Variants in ARHGEF18 observed in about 807,000 individuals in gnomAD.
ARHGEF18 encodes the protein rho guanine nucleotide exchange factor 18.
In ARHGEF18, 93 loss-of-function variants were observed where a neutral mutation model predicts 155.7. The ratio of observed to expected loss-of-function variants is 0.60; its 90% CI spans 0.50 to 0.71. ARHGEF18 has a LOEUF of 0.71. Ranked by LOEUF, ARHGEF18 falls within the 30% of genes least tolerant of loss-of-function variation. The probability of loss-of-function intolerance (pLI) is 0.00; values close to 1 mark genes in which losing one functional copy is unlikely to be tolerated. For synonymous variants in ARHGEF18, 742 were observed against 753.1 expected, an observed-to-expected ratio of 0.99 and a Z score of 0.24; for missense variants, 1,593 against 1,816.1, an observed-to-expected ratio of 0.88 and a Z score of 2.23.
At chr19:7,436,197 CTTTTTTTTT>C (rs567879436) in intron 10 of ARHGEF18, among the ~76,000 whole-genome samples, 3 of 78,578 alleles carry the variant, frequency 3.8e-5, no homozygotes, top group Non-Finnish European at 7.6e-5. Flanking sequence ...AGCATTTCTT[CTTTTTTTTT>C]TTTTTTTTTT....
At chr19:7,458,753 G>C in intron 19 of ARHGEF18, 63 bp downstream of exon 19, 2 of 1,521,946 alleles carry the variant, frequency 1.3e-6, no homozygotes, top group Non-Finnish European at 1.8e-6. Context: ...TCCACCCTTG[G>C]CTTCGACCGT....
intron 10 of ARHGEF18, among the ~76,000 whole-genome samples, chr19:7,414,943 C>T (rs1165812428): frequency 2.6e-5 from 4 of 151,798 alleles, no homozygotes; most frequent in African/African-American, 7.3e-5. Context: ...TGCAGTGACC[C>T]GAGATCGTGC....
rs115136529 is a variant in ARHGEF18 at position 7,444,153 on chromosome 19, G to A, written c.1361-51G>A. 6.3e-7 allele frequency: 1 copy of A among 1,594,978 alleles called. No homozygotes were observed. The highest frequency in any genetic ancestry group is 8.6e-7 in the Non-Finnish European group (1 of 1,167,968). On this transcript the variant is annotated intron_variant, in intron 13 of 28. Coordinates refer to ENST00000668164, the MANE Select transcript of ARHGEF18 (RefSeq NM_001367823.1). The surrounding 1 kb of genome is among the most constrained non-coding windows in gnomAD (Gnocchi z 4.7). ...GGCAGGCAGCACCCACGACTGCCCA[G>A]CGGGGCCGTGGAGCCAGCATGGCTA...
intron 10 of ARHGEF18, among the ~76,000 whole-genome samples, chr19:7,426,297 G>A (rs1973656507): frequency 6.6e-6 from 1 of 152,050 alleles, no homozygotes; most frequent in South Asian, 2.1e-4. Flanking sequence ...AGACCAGCCT[G>A]GCCAACATGA....
intron 5 of ARHGEF18, 56 bp from the exon 6 acceptor site, chr19:7,378,338 G>A (rs986627306): frequency 8.2e-7 from 1 of 1,219,644 alleles, no homozygotes; most frequent in Non-Finnish European, 1.0e-6. Context: ...TGCTGGGCTG[G>A]TCCTGTCCCA....
chr19:7,469,504 G>A (rs1187779782), intron 27 of ARHGEF18, among the ~76,000 whole-genome samples: 1 of 152,196 alleles, frequency 6.6e-6, no homozygotes, highest in Admixed American at 6.5e-5. Context: ...CCGTTCCACA[G>A]AGTGGGACAC....
intron 10 of ARHGEF18, among the ~76,000 whole-genome samples, chr19:7,399,487 C>CTT (rs59714990): frequency 0.025 from 3,541 of 144,284 alleles, 142 homozygotes; most frequent in African/African-American, 0.084. Context: ...TTTTTTCCTT[C>CTT]TTTTTTTTTT....
chr19:7,401,302 T>G (rs1028185953), intron 10 of ARHGEF18, among the ~76,000 whole-genome samples: 3 of 152,090 alleles, frequency 2.0e-5, no homozygotes, highest in Non-Finnish European at 4.4e-5. Context: ...TGTTTTGGTT[T>G]TGAGTCAGGG....
intron 3 of ARHGEF18, among the ~76,000 whole-genome samples, chr19:7,373,459 G>GTTTTTTTTTTTTTTT (rs1352283681): frequency 1.8e-5 from 2 of 113,628 alleles, no homozygotes; most frequent in African/African-American, 4.9e-5. Flanking sequence ...TTGTTTTTGT[G>GTTTTTTTTTTTTTTT]TTTGTTTTTT....
intron 10 of ARHGEF18, among the ~76,000 whole-genome samples, chr19:7,410,809 CAAAAAAA>C (rs58022667): frequency 2.4e-5 from 2 of 82,288 alleles, no homozygotes; most frequent in African/African-American, 8.3e-5. Flanking sequence ...GACTCCATCT[CAAAAAAA>C]AAAAAAAAAA....
chr19:7,462,028 A>T lies in ARHGEF18; in HGVS notation c.2453-124A>T. On this transcript the variant is annotated intron_variant, in intron 20 of 28. Coordinates refer to ENST00000668164, the MANE Select transcript of ARHGEF18 (RefSeq NM_001367823.1). The surrounding 1 kb of genome is among the most constrained non-coding windows in gnomAD (Gnocchi z 4.4). Reference sequence around the variant, plus strand: ...CCTACCTCCCAGGAATGCAGGACACAAGGGGGCAGCCTACCTCAGGGCAGG... The same window carrying T: ...CCTACCTCCCAGGAATGCAGGACACTAGGGGGCAGCCTACCTCAGGGCAGG... 1 of 1,077,898 alleles carries T rather than the reference A, an allele frequency of 9.3e-7. No homozygotes were observed. The highest frequency in any genetic ancestry group is 1.4e-6 in the Non-Finnish European group (1 of 719,364). 66.8% of individuals were successfully genotyped at this position (1,077,898 alleles called of 1,614,324 possible).
chr19:7,395,170 C>A lies in ARHGEF18; in HGVS notation c.967+11967C>A. 1.0e-6 allele frequency: 1 copy of A among 985,972 alleles called. No homozygotes were observed. Among genetic ancestry groups the A allele is most frequent in the Non-Finnish European group, 1.2e-6 (1 of 830,372 alleles). 61.1% of individuals were successfully genotyped at this position (985,972 alleles called of 1,614,324 possible). A position where few individuals can be genotyped will look rare whatever the true frequency, so the allele number is the denominator to read the frequency against. ...GCTAGCTACTGTGGATCTGGGGGGG[C>A]CGGACGGAGGCATCGGAGGCGGCTG... On this transcript the variant is annotated intron_variant, in intron 10 of 28. Coordinates refer to ENST00000668164, the MANE Select transcript of ARHGEF18 (RefSeq NM_001367823.1). The surrounding 1 kb of genome is among the most constrained non-coding windows in gnomAD (Gnocchi z 5.0).
chr19:7,418,961 G>C (rs993981741), intron 10 of ARHGEF18, among the ~76,000 whole-genome samples: 1 of 151,830 alleles, frequency 6.6e-6, no homozygotes, highest in South Asian at 2.1e-4. Context: ...TGCATTGCAG[G>C]TGTGTCTGCT....
intron 5 of ARHGEF18, 57 bp downstream of exon 5, chr19:7,376,814 C>A: frequency 8.7e-7 from 1 of 1,145,608 alleles, no homozygotes; most frequent in Non-Finnish European, 1.1e-6. Context: ...AGGAGCCTGG[C>A]CAACATGGTG....
intron 1 of ARHGEF18, among the ~76,000 whole-genome samples, chr19:7,354,908 AAAC>A (rs201908166): frequency 0.015 from 2,346 of 152,240 alleles, 20 homozygotes; most frequent in Admixed American, 0.019. Context: ...CAAAACTAAC[AAAC>A]AACAAACAAA....
rs748233892 is a variant in ARHGEF18, at chr19:7,441,761, A to G, written c.1215A>G (p.Val405=). The G allele has an allele frequency of 5.0e-6, 8 of 1,613,928 alleles. No individual in the cohort carries two copies. The East Asian group carries it at 1.6e-4, about 31-fold the overall frequency. The change falls in exon 12 of 29, where the codon GTA becomes GTG. Residue 405 remains valine (V), a synonymous_variant. Coordinates refer to ENST00000668164, the MANE Select transcript of ARHGEF18 (RefSeq NM_001367823.1). ...LTSPNTESIF[V]EDPYTASLRS... ...CTCCAAACACCGAGTCCATTTTTGT[A>G]GAAGGTATGGTCATCTCCGCTCTCT... is the stretch of plus-strand genomic sequence containing the variant.
intron 10 of ARHGEF18, 135 bp downstream of exon 10, chr19:7,383,338 T>C (rs1000167724): frequency 3.9e-6 from 4 of 1,014,176 alleles, no homozygotes; most frequent in Non-Finnish European, 5.1e-6. Flanking sequence ...GGCGGCTCCC[T>C]GGAGAGAACC....
intron 10 of ARHGEF18, among the ~76,000 whole-genome samples, chr19:7,431,851 G>C (rs903601492): frequency 6.6e-6 from 1 of 152,156 alleles, no homozygotes; most frequent in Non-Finnish European, 1.5e-5. Context: ...GACACAGCCT[G>C]GAATGCAAGA....
At chr19:7,446,372 TA>T (rs776625468) in intron 14 of ARHGEF18, among the ~76,000 whole-genome samples, 4 of 148,868 alleles carry the variant, frequency 2.7e-5, no homozygotes, top group East Asian at 2.0e-4. Context: ...ATGCTGTCTC[TA>T]AAAAAAATAA....
Sources: gnomAD v4.1 joint callset for allele counts (sites outside exome capture counted in the v4.1 genomes callset) on GRCh38, gnomAD v4.1.1 for gene constraint, Gnocchi (gnomAD v3.1) non-coding constraint, MANE v1.5 for transcripts, NCBI Gene and HGNC (gene_info 2026-07-23, HGNC 2026-07-21) for gene names.